PPP1R16B: variants seen among roughly 807,000 people sequenced by gnomAD.
PPP1R16B encodes protein phosphatase 1 regulatory subunit 16B, also known as protein phosphatase 1 regulatory inhibitor subunit 16B.
A neutral mutation model predicts 61.7 loss-of-function variants in PPP1R16B; 14 were observed. The ratio of observed to expected loss-of-function variants is 0.23; its 90% CI spans 0.15 to 0.35. PPP1R16B has a LOEUF of 0.35. Ranked by LOEUF, PPP1R16B falls within the 10% of genes least tolerant of loss-of-function variation. PPP1R16B has a pLI of 1.00. For missense variants in PPP1R16B, 547 were observed against 752.5 expected (o/e 0.73, Z 3.19); for synonymous variants, 266 against 305.3 (o/e 0.87, Z 1.34).
chr20:38,915,518 C>G (rs559817296), intron 10 of PPP1R16B, among the ~76,000 whole-genome samples: 1 of 152,276 alleles, frequency 6.6e-6, no homozygotes, highest in South Asian at 2.1e-4. Flanking sequence ...CGGAGTCTCA[C>G]TTTATTGCCC....
At chr20:38,912,540 A>G (rs6028203) in intron 10 of PPP1R16B, among the ~76,000 whole-genome samples, 1,578 of 147,322 alleles carry the variant, frequency 0.011, 27 homozygotes, top group African/African-American at 0.038. Flanking sequence ...GGTGGGTGTG[A>G]TGGTGTGTAC....
chr20:38,884,985 C>T (rs1418505955), intron 2 of PPP1R16B, among the ~76,000 whole-genome samples: 2 of 137,102 alleles, frequency 1.5e-5, no homozygotes, highest in Non-Finnish European at 3.0e-5. Context: ...GCAGAAGAGC[C>T]GAGATCGCAC....
At chr20:38,899,056 G>C (rs2085371796) in intron 4 of PPP1R16B, among the ~76,000 whole-genome samples, 1 of 152,206 alleles carries the variant, frequency 6.6e-6, no homozygotes, top group Admixed American at 6.5e-5. Flanking sequence ...GTCAGAGAGA[G>C]TGGCCCAGGG....
At chr20:38,828,931 T>A (rs1170189029) in intron 1 of PPP1R16B, among the ~76,000 whole-genome samples, 1 of 152,206 alleles carries the variant, frequency 6.6e-6, no homozygotes, top group Non-Finnish European at 1.5e-5. Flanking sequence ...CTGTAGTACA[T>A]CCTGCCTACT....
chr20:38,819,535 TC>T (rs1280944290), intron 1 of PPP1R16B, among the ~76,000 whole-genome samples: 1 of 152,130 alleles, frequency 6.6e-6, no homozygotes, highest in East Asian at 1.9e-4. Context: ...AAGACTTTTT[TC>T]ATGTAACTCC....
intron 2 of PPP1R16B, among the ~76,000 whole-genome samples, chr20:38,849,865 G>A (rs2084957168): frequency 6.6e-6 from 1 of 152,120 alleles, no homozygotes; most frequent in Non-Finnish European, 1.5e-5. Context: ...TAACATTGAG[G>A]TCAAGCGCTG....
At chr20:38,891,289 A>C (rs547592243) in intron 3 of PPP1R16B, among the ~76,000 whole-genome samples, 53 of 152,336 alleles carry the variant, frequency 3.5e-4, no homozygotes, top group Admixed American at 5.9e-4. Flanking sequence ...TCTGTGCCTC[A>C]GTTTCCTCAT....
intron 2 of PPP1R16B, among the ~76,000 whole-genome samples, chr20:38,841,065 G>T (rs2084906118): frequency 4.6e-5 from 7 of 152,006 alleles, no homozygotes. Flanking sequence ...TGTTATCTCG[G>T]TTAATCTTCA....
intron 1 of PPP1R16B, among the ~76,000 whole-genome samples, chr20:38,833,330 A>C (rs2145718262): frequency 6.6e-6 from 1 of 152,356 alleles, no homozygotes; most frequent in Non-Finnish European, 1.5e-5. Flanking sequence ...AGCCTAGAGA[A>C]GGAGATAGGT....
chr20:38,881,082 G>C (rs1052266257), intron 2 of PPP1R16B, among the ~76,000 whole-genome samples: 6 of 152,170 alleles, frequency 3.9e-5, no homozygotes, highest in Non-Finnish European at 7.4e-5. Context: ...GTGACTTTGA[G>C]GGAAGCCCGT....
Position 38,902,711 on chromosome 20 carries a change from G to A in PPP1R16B, c.615G>A (p.Glu205=). ...EKINEMRVAP[E]QQMIADIHCM... is the part of the protein sequence containing the mutation. ...TCAACGAGATGCGGGTGGCTCCTGA[G>A]CAGCAGATGATTGCGGACATCCACT... The change falls in exon 6 of 11, where the codon GAG becomes GAA. Residue 205 remains glutamate (E), a synonymous_variant. Transcript: ENST00000299824. 2 of 1,614,252 alleles carry A rather than the reference G, an allele frequency of 1.2e-6. No individual in the cohort carries two copies. Among genetic ancestry groups the A allele is most frequent in the Non-Finnish European group, 1.7e-6 (2 of 1,180,050 alleles).
intron 10 of PPP1R16B, among the ~76,000 whole-genome samples, chr20:38,908,491 C>T (rs1485685973): frequency 6.6e-6 from 1 of 152,202 alleles, no homozygotes; most frequent in Non-Finnish European, 1.5e-5. Context: ...CCGCTATGCG[C>T]CTAGCTGTGC....
At chr20:38,911,812 C>T (rs2085492956) in intron 10 of PPP1R16B, among the ~76,000 whole-genome samples, 1 of 152,198 alleles carries the variant, frequency 6.6e-6, no homozygotes, top group Non-Finnish European at 1.5e-5. Flanking sequence ...GTTGGTATTA[C>T]AGGGGTCAGC....
At chr20:38,876,634 C>T (rs1601281787) in intron 2 of PPP1R16B, among the ~76,000 whole-genome samples, 1 of 152,202 alleles carries the variant, frequency 6.6e-6, no homozygotes. Flanking sequence ...CCTGCACTCT[C>T]CAAACAAAAT....
chr20:38,817,552 T>C (rs2084744374), intron 1 of PPP1R16B, among the ~76,000 whole-genome samples: 2 of 124,012 alleles, frequency 1.6e-5, no homozygotes, highest in East Asian at 2.3e-4. Context: ...GCAACAAGAT[T>C]GAAACTCCAT....
At chr20:38,889,686 G>C in intron 3 of PPP1R16B, 21 bp downstream of exon 3, 1 of 1,546,338 alleles carries the variant, frequency 6.5e-7, no homozygotes, top group Non-Finnish European at 8.9e-7. Flanking sequence ...GCTCGTTGGG[G>C]CTCCAGGGCT....
At chr20:38,915,969 A>G (rs1054988451) in intron 10 of PPP1R16B, among the ~76,000 whole-genome samples, 3 of 151,686 alleles carry the variant, frequency 2.0e-5, no homozygotes, top group Admixed American at 1.3e-4. Flanking sequence ...TAGGCAACTC[A>G]CATACACATC....
intron 1 of PPP1R16B, among the ~76,000 whole-genome samples, chr20:38,823,467 C>A (rs2084785216): frequency 6.6e-6 from 1 of 152,216 alleles, no homozygotes; most frequent in African/African-American, 2.4e-5. Context: ...ATGGTGAAAC[C>A]TTGTCTCTGC....
chr20:38,907,671 C>T lies in PPP1R16B; in HGVS notation c.899-135C>T, dbSNP rs2085455283. The T allele has an allele frequency of 1.6e-6, 2 of 1,234,844 alleles. No individual in the cohort carries two copies. The highest frequency in any genetic ancestry group is 1.5e-5 in the South Asian group (1 of 68,298). The allele number at this position is 1,234,844 out of a possible 1,614,324, so 76.5% of individuals were successfully genotyped here. ...ACTCAACTTTGGCTGGCATTGTTTTCTTGCCTCCCTGCATGCCCTGAAAGA... is the reference window on the plus strand; with the variant it reads ...ACTCAACTTTGGCTGGCATTGTTTTTTTGCCTCCCTGCATGCCCTGAAAGA... On this transcript the variant is annotated intron_variant, in intron 8 of 10. Coordinates refer to ENST00000299824, the MANE Select transcript of PPP1R16B (RefSeq NM_015568.4). The surrounding 1 kb of genome is among the most constrained non-coding windows in gnomAD (Gnocchi z 4.5).
Sources: gnomAD v4.1 joint callset for allele counts (sites outside exome capture counted in the v4.1 genomes callset) on GRCh38, gnomAD v4.1.1 for gene constraint, Gnocchi (gnomAD v3.1) non-coding constraint, MANE v1.5 for transcripts, NCBI Gene and HGNC (gene_info 2026-07-23, HGNC 2026-07-21) for gene names.